OSBPL9: variants seen among roughly 807,000 people sequenced by gnomAD.
The protein encoded by OSBPL9 is oxysterol-binding protein-related protein 9.
In OSBPL9, 40 loss-of-function variants were observed where a neutral mutation model predicts 106.6. That is an observed-to-expected ratio of 0.38 (90% CI 0.29 to 0.49). The LOEUF is 0.49. Ranked by LOEUF, OSBPL9 falls within the 20% of genes least tolerant of loss-of-function variation. The probability of loss-of-function intolerance (pLI) is 0.97; values close to 1 mark genes in which losing one functional copy is unlikely to be tolerated. For missense variants in OSBPL9, 609 were observed against 887.2 expected, an observed-to-expected ratio of 0.69 and a Z score of 3.98; for synonymous variants, 269 against 295.4, an observed-to-expected ratio of 0.91 and a Z score of 0.92.
upstream of OSBPL9, chr1:51,616,916 G>C (rs762239337): frequency 1.1e-6 from 1 of 932,348 alleles, no homozygotes. Flanking sequence ...TTGCATTCTC[G>C]CATCCGTGGC....
chr1:51,592,057 T>C (rs1198047018), intron 1 of OSBPL9, among the ~76,000 whole-genome samples: 1 of 151,750 alleles, frequency 6.6e-6, no homozygotes, highest in Non-Finnish European at 1.5e-5. Flanking sequence ...GCATTTTGGG[T>C]TGATTTCTTC....
intron 1 of OSBPL9, among the ~76,000 whole-genome samples, chr1:51,650,011 G>A (rs1358655449): frequency 6.6e-6 from 1 of 151,872 alleles, no homozygotes; most frequent in Non-Finnish European, 1.5e-5. Flanking sequence ...TGAGAGCTGG[G>A]ACTATAGGTG....
In OSBPL9 at chr1:51,786,558, G is replaced by C; in HGVS notation, c.1941G>C (p.Leu647Phe). The C allele has an allele frequency of 6.2e-7, 1 of 1,612,178 alleles. No individual in the cohort carries two copies. Among genetic ancestry groups the C allele is most frequent in the Non-Finnish European group, 8.5e-7 (1 of 1,178,436 alleles). The change falls in exon 22 of 24, where the codon TTG becomes TTC. Residue 647 changes from leucine to phenylalanine, a missense_variant. Around this residue, in one of 5 missense-constraint regions of OSBPL9, gnomAD observed 132 missense variants for 158.1 expected, o/e 0.83. Coordinates refer to ENST00000428468, the MANE Select transcript of OSBPL9 (RefSeq NM_024586.6). ...ENTVFVDTKK[L>F]PIIKKKVRKL... ...CAGTCTTTGTAGATACCAAGAAGTT[G>C]CCTATAATCAAGAAGAAAGTGAGGA... is the stretch of plus-strand genomic sequence containing the variant.
chr1:51,685,048 G>A (rs1653468573), intron 3 of OSBPL9, among the ~76,000 whole-genome samples: 1 of 151,690 alleles, frequency 6.6e-6, no homozygotes, highest in African/African-American at 2.4e-5. Context: ...CCCTTCCCTA[G>A]GCAGTCCTTC....
At chr1:51,543,501 T>C in the OSBPL9 span, among the ~76,000 whole-genome samples, 10,711 of 152,210 alleles carry the variant, frequency 0.07, 435 homozygotes, top group Middle Eastern at 0.1. Flanking sequence ...GTTCAATCGA[T>C]TCTCCTGCCT....
the OSBPL9 span, among the ~76,000 whole-genome samples, chr1:51,534,096 C>T: frequency 6.6e-6 from 1 of 151,562 alleles, no homozygotes; most frequent in African/African-American, 2.4e-5. Flanking sequence ...CCCAGCTACT[C>T]AGGAGGCTGA....
chr1:51,714,013 T>G lies in OSBPL9; in HGVS notation c.252T>G (p.Ala84=). The change falls in exon 4 of 24, where the codon GCT becomes GCG. Residue 84 remains alanine, a synonymous_variant. Coordinates refer to ENST00000428468, the MANE Select transcript of OSBPL9 (RefSeq NM_024586.6). ...QKTFHFQARD[A]DEREKWIHAL... is the part of the protein sequence containing the mutation. ...AATCTTTTATTCCAGCCCGTGATGCTGATGAGCGAGAGAAGTGGATCCATG... is the reference window on the plus strand; with the variant it reads ...AATCTTTTATTCCAGCCCGTGATGCGGATGAGCGAGAGAAGTGGATCCATG... 6.2e-7 allele frequency: 1 copy of G among 1,607,654 alleles called. No individual in the cohort carries two copies. Among genetic ancestry groups the G allele is most frequent in the Non-Finnish European group, 8.5e-7 (1 of 1,176,418 alleles).
chr1:51,787,269 A>C (rs1677885396), intron 22 of OSBPL9, 84 bp from the exon 23 acceptor site: 1 of 1,375,200 alleles, frequency 7.3e-7, no homozygotes, highest in Non-Finnish European at 1.0e-6. Context: ...ACTTAAAGCC[A>C]TTTGACTTGT....
At chr1:51,576,596 T>C (rs1645185522), upstream of OSBPL9, among the ~76,000 whole-genome samples, 2 of 152,224 alleles carry the variant, frequency 1.3e-5, no homozygotes, top group South Asian at 2.1e-4. Context: ...GGCATGATCA[T>C]GGCTCACTGC....
At chr1:51,671,961 A>G (rs1199064957) in intron 3 of OSBPL9, among the ~76,000 whole-genome samples, 1 of 152,128 alleles carries the variant, frequency 6.6e-6, no homozygotes, top group African/African-American at 2.4e-5. Context: ...TTATACTCAT[A>G]TATTTGAAGA....
chr1:51,571,713 G>C, the OSBPL9 span, among the ~76,000 whole-genome samples: 4 of 152,192 alleles, frequency 2.6e-5, no homozygotes, highest in African/African-American at 9.6e-5. Context: ...CTTCCCCAAA[G>C]ACCCCAAGAA....
At chr1:51,619,251 A>T (rs1415847571) in intron 1 of OSBPL9, among the ~76,000 whole-genome samples, 1 of 152,186 alleles carries the variant, frequency 6.6e-6, no homozygotes, top group African/African-American at 2.4e-5. Context: ...TACAAATCCC[A>T]AATTTGTGTG....
intron 4 of OSBPL9, among the ~76,000 whole-genome samples, chr1:51,717,086 C>T (rs111560165): frequency 0.016 from 2,391 of 152,252 alleles, 28 homozygotes; most frequent in Non-Finnish European, 0.024. Flanking sequence ...CCACCTCAAC[C>T]TCCTGAGTAG....
At chr1:51,670,771 C>T (rs1408498522) in intron 3 of OSBPL9, among the ~76,000 whole-genome samples, 1 of 152,160 alleles carries the variant, frequency 6.6e-6, no homozygotes, top group Admixed American at 6.5e-5. Flanking sequence ...ATTATGAAAG[C>T]CCAGAGTTTT....
the OSBPL9 span, among the ~76,000 whole-genome samples, chr1:51,539,268 C>CT: frequency 0.04 from 6,057 of 152,228 alleles, 169 homozygotes; most frequent in East Asian, 0.13. Context: ...TTCCATCCCC[C>CT]GGTTACTCTA....
intron 1 of OSBPL9, chr1:51,594,897 C>T (rs749693534): frequency 3.3e-5 from 5 of 152,348 alleles, no homozygotes; most frequent in Non-Finnish European, 7.3e-5. Flanking sequence ...CGCAGGTAGA[C>T]CCAGCGCTGG....
chr1:51,715,296 C>A, intron 4 of OSBPL9, among the ~76,000 whole-genome samples: 1 of 152,194 alleles, frequency 6.6e-6, no homozygotes, highest in East Asian at 1.9e-4. Context: ...CTTTAAGCTA[C>A]TCTGTGAGTT....
At chr1:51,526,249 A>C in the OSBPL9 span, among the ~76,000 whole-genome samples, 2 of 152,160 alleles carry the variant, frequency 1.3e-5, no homozygotes, top group Admixed American at 6.5e-5. Context: ...ACTTCTCATC[A>C]AGCACCTGAA....
chr1:51,591,435 AC>A (rs1269817394), intron 1 of OSBPL9, among the ~76,000 whole-genome samples: 2 of 152,156 alleles, frequency 1.3e-5, no homozygotes, highest in African/African-American at 4.8e-5. Context: ...GATAGAGAAC[AC>A]CGGGGGAAAT....
Sources: allele counts gnomAD v4.1 joint callset (sites outside exome capture counted in the v4.1 genomes callset), GRCh38; gene constraint gnomAD v4.1.1; regional missense constraint gnomAD v4.1.1; transcripts MANE v1.5; gene names NCBI Gene and HGNC (gene_info 2026-07-23, HGNC 2026-07-21).